Variants in BMERB1 observed in about 807,000 individuals in gnomAD.
BMERB1 encodes bMERB domain-containing protein 1.
BMERB1 carries 12 observed loss-of-function variants against 23.6 expected under a neutral mutation model. That is an observed-to-expected ratio of 0.51 (90% confidence interval 0.33 to 0.82). The LOEUF is 0.82. Ranked by LOEUF, BMERB1 falls within the 40% of genes least tolerant of loss-of-function variation. The probability of loss-of-function intolerance (pLI) is 0.03; values close to 1 mark genes in which losing one functional copy is unlikely to be tolerated. For synonymous variants in BMERB1, 122 were observed against 96.6 expected (o/e 1.26, Z -1.54); for missense variants, 247 against 255.4 (o/e 0.97, Z 0.22).
At chr16:15,512,927 G>A (rs1007293345) in intron 1 of BMERB1, among the ~76,000 whole-genome samples, 12 of 152,074 alleles carry the variant, frequency 7.9e-5, no homozygotes, top group East Asian at 3.9e-4. Context: ...TCCAAATCAT[G>A]GGTATAAGGT....
At chr16:15,467,304 A>G (rs996523950) in intron 1 of BMERB1, among the ~76,000 whole-genome samples, 40 of 152,210 alleles carry the variant, frequency 2.6e-4, no homozygotes, top group Middle Eastern at 3.2e-3. Flanking sequence ...TTACATTCCC[A>G]TTGGCAGTGC....
intron 1 of BMERB1, among the ~76,000 whole-genome samples, chr16:15,474,424 G>A (rs1315880615): frequency 6.6e-6 from 1 of 152,024 alleles, no homozygotes; most frequent in Non-Finnish European, 1.5e-5. Context: ...GAGCGCAGTG[G>A]CACAATCATA....
intron 2 of BMERB1, among the ~76,000 whole-genome samples, chr16:15,558,350 A>G (rs1378330534): frequency 6.6e-6 from 1 of 152,162 alleles, no homozygotes; most frequent in African/African-American, 2.4e-5. Flanking sequence ...AGGGTGGTCT[A>G]AAGTGTGGGA....
Position 15,439,923 on chromosome 16 carries a change from G to A in BMERB1, c.106+5164G>A, listed in dbSNP as rs145327277. Among the ~76,000 whole-genome samples, 324 of 152,160 alleles carry A rather than the reference G, an allele frequency of 2.1e-3. 1 individual carries two copies. Among genetic ancestry groups the A allele is most frequent in the African/African-American group, 7.6e-3 (315 of 41,524 alleles). The stretch of plus-strand genomic sequence containing the variant: ...GACAGGGGAAATGGAGGAGTTGGAG[G>A]CGGGAGAGGGGAATGCCAGGAGAGG... On this transcript the variant is annotated intron_variant, in intron 1 of 5. Coordinates refer to ENST00000300006, the MANE Select transcript of BMERB1 (RefSeq NM_033201.3).
chr16:15,582,655 G>C (rs2031042778), intron 4 of BMERB1, among the ~76,000 whole-genome samples: 1 of 151,692 alleles, frequency 6.6e-6, no homozygotes, highest in African/African-American at 2.4e-5. Context: ...GGAGTTCAAG[G>C]CTTCTTGAGT....
At chr16:15,511,033 C>T (rs1300205801) in intron 1 of BMERB1, among the ~76,000 whole-genome samples, 1 of 151,906 alleles carries the variant, frequency 6.6e-6, no homozygotes, top group Non-Finnish European at 1.5e-5. Context: ...TTCCTCCCTC[C>T]TTCCCTCCTT....
chr16:15,506,375 C>T (rs191951962), intron 1 of BMERB1, among the ~76,000 whole-genome samples: 8 of 152,138 alleles, frequency 5.3e-5, no homozygotes, highest in Admixed American at 4.6e-4. Flanking sequence ...CAGGGTTTCA[C>T]CGTGTTAGCC....
chr16:15,547,742 GA>G (rs954231112), intron 2 of BMERB1, among the ~76,000 whole-genome samples: 1 of 152,182 alleles, frequency 6.6e-6, no homozygotes, highest in Non-Finnish European at 1.5e-5. Context: ...GCCACACAAT[GA>G]AGGAGATGTT....
intron 3 of BMERB1, 112 bp downstream of exon 3, chr16:15,568,168 T>C: frequency 1.2e-6 from 1 of 808,624 alleles, no homozygotes. Flanking sequence ...AATGCAGTGC[T>C]CCCTGACTGC....
At chr16:15,468,965 CTTT>C (rs773392188) in intron 1 of BMERB1, among the ~76,000 whole-genome samples, 2 of 126,422 alleles carry the variant, frequency 1.6e-5, no homozygotes, top group Non-Finnish European at 3.3e-5. Context: ...CATCTTCACA[CTTT>C]TTTTTTTTTT....
intron 3 of BMERB1, among the ~76,000 whole-genome samples, chr16:15,580,367 G>A (rs985322526): frequency 2.0e-5 from 3 of 152,042 alleles, no homozygotes; most frequent in African/African-American, 7.2e-5. Flanking sequence ...GTCTCCCAAA[G>A]TGCTGGGATT....
chr16:15,445,544 G>A (rs1158369099), intron 1 of BMERB1, among the ~76,000 whole-genome samples: 1 of 152,080 alleles, frequency 6.6e-6, no homozygotes, highest in East Asian at 1.9e-4. Context: ...TACATATGTG[G>A]AATCACCATT....
intron 1 of BMERB1, among the ~76,000 whole-genome samples, chr16:15,458,880 G>A (rs528397051): frequency 1.3e-5 from 2 of 152,240 alleles, no homozygotes; most frequent in Non-Finnish European, 2.9e-5. Context: ...GCTGAGGCGC[G>A]TGGATCACGA....
At chr16:15,442,515 G>T (rs1567447171) in intron 1 of BMERB1, among the ~76,000 whole-genome samples, 1 of 152,006 alleles carries the variant, frequency 6.6e-6, no homozygotes, top group Non-Finnish European at 1.5e-5. Context: ...TCATAACTTT[G>T]CTCATAACAT....
intron 1 of BMERB1, among the ~76,000 whole-genome samples, chr16:15,444,123 G>GTTTTTTATTTTTTTTT (rs2050966601): frequency 2.8e-5 from 1 of 35,610 alleles, no homozygotes; most frequent in African/African-American, 1.3e-4. Flanking sequence ...CACCAGCTTT[G>GTTTTTTATTTTTTTTT]TTTTTTTTTT....
intron 1 of BMERB1, among the ~76,000 whole-genome samples, chr16:15,503,491 C>T (rs1305778291): frequency 6.8e-6 from 1 of 146,044 alleles, no homozygotes; most frequent in African/African-American, 2.6e-5. Flanking sequence ...GTAGAGACGG[C>T]GTTTCACCGT....
intron 5 of BMERB1, chr16:15,584,325 C>T (rs1014160248): frequency 6.0e-5 from 19 of 314,506 alleles, no homozygotes; most frequent in South Asian, 2.4e-4. Context: ...TTTGGGAGGC[C>T]GAGGCGGGCG....
chr16:15,485,498 C>T (rs1384472257), intron 1 of BMERB1, among the ~76,000 whole-genome samples: 2 of 101,314 alleles, frequency 2.0e-5, no homozygotes, highest in South Asian at 4.9e-4. Flanking sequence ...GTAATTTCTT[C>T]GGAGAAGCAT....
chr16:15,508,864 A>G (rs1197977744), intron 1 of BMERB1, among the ~76,000 whole-genome samples: 16 of 151,788 alleles, frequency 1.1e-4, no homozygotes, highest in East Asian at 3.9e-4. Context: ...GAGGTTTACA[A>G]TGAGCCCAAC....
Sources: allele counts gnomAD v4.1 joint callset (sites outside exome capture counted in the v4.1 genomes callset), GRCh38; gene constraint gnomAD v4.1.1; transcripts MANE v1.5; gene names NCBI Gene and HGNC (gene_info 2026-07-23, HGNC 2026-07-21).